The following RBFOX1 variants were observed in gnomAD, a reference collection of about 807,000 sequenced individuals.
RBFOX1 encodes the protein RNA binding protein fox-1 homolog 1.
Under a neutral mutation model 57.7 loss-of-function variants are expected in RBFOX1, and 8 were observed. That is an observed-to-expected ratio of 0.14 (90% confidence interval 0.08 to 0.25). The LOEUF is 0.25. RBFOX1 is among the 10% of genes least tolerant of loss of function. RBFOX1 has a pLI of 1.00. For synonymous variants in RBFOX1, 326 were observed against 222.4 expected (o/e 1.47, Z -4.15); for missense variants, 611 against 548.5 (o/e 1.11, Z -1.14).
At chr16:7,472,958 A>G (rs904736422) in intron 4 of RBFOX1, among the ~76,000 whole-genome samples, 4 of 152,232 alleles carry the variant, frequency 2.6e-5, no homozygotes, top group African/African-American at 9.6e-5. Flanking sequence ...GGATTTGGCT[A>G]TGCCTTTCAT....
chr16:5,963,549 T>G (rs2059790902), intron 4 of RBFOX1, among the ~76,000 whole-genome samples: 1 of 152,196 alleles, frequency 6.6e-6, no homozygotes, highest in Non-Finnish European at 1.5e-5. Flanking sequence ...GGTACTGGCA[T>G]ATAAACAGAC....
rs1239828033 is a variant in RBFOX1, at chr16:6,877,750, A to T, written c.-15-174307A>T. ...CCAATATAGTAAGAATTATTTCTGT[A>T]GGACTTTTAAATTGTATAAATTGCT... On this transcript the variant is annotated intron_variant, in intron 3 of 15. Coordinates refer to ENST00000550418, the MANE Select transcript of RBFOX1 (RefSeq NM_018723.4). Among the ~76,000 whole-genome samples the T allele has an allele frequency of 2.0e-5, 3 of 152,158 alleles. No individual in the cohort carries two copies. The East Asian group carries it at 5.8e-4, about 29-fold the overall frequency.
At chr16:6,288,115 A>T (rs2077081280) in intron 1 of RBFOX1, among the ~76,000 whole-genome samples, 1 of 152,174 alleles carries the variant, frequency 6.6e-6, no homozygotes, top group Admixed American at 6.6e-5. Context: ...TCCAGGTGAG[A>T]TGTGAAGCTC....
At chr16:7,094,326 T>C (rs2061341958) in intron 4 of RBFOX1, among the ~76,000 whole-genome samples, 1 of 152,066 alleles carries the variant, frequency 6.6e-6, no homozygotes, top group Non-Finnish European at 1.5e-5. Context: ...CTAAGGAACA[T>C]GAAGCTTTTA....
intron 3 of RBFOX1, among the ~76,000 whole-genome samples, chr16:6,999,966 A>G (rs59034350): frequency 0.21 from 32,036 of 151,564 alleles, 3,724 homozygotes; most frequent in Middle Eastern, 0.33. Flanking sequence ...CAGCTACTCC[A>G]GAGGCTGAGG....
chr16:6,488,404 A>G (rs181168023), intron 2 of RBFOX1, among the ~76,000 whole-genome samples: 1 of 152,194 alleles, frequency 6.6e-6, no homozygotes, highest in East Asian at 1.9e-4. Flanking sequence ...AGCAGTAACA[A>G]TACAATGCCG....
intron 4 of RBFOX1, among the ~76,000 whole-genome samples, chr16:7,369,654 A>T (rs2097532179): frequency 6.6e-6 from 1 of 152,178 alleles, no homozygotes; most frequent in African/African-American, 2.4e-5. Context: ...CAATTGTTTG[A>T]AGTGAGACTA....
chr16:5,856,302 C>G lies in RBFOX1; in HGVS notation c.319-11001C>G, dbSNP rs1476079665. On this transcript the variant is annotated intron_variant, in intron 3 of 19. Coordinates refer to the RBFOX1 transcript ENST00000641259. The stretch of plus-strand genomic sequence containing the variant: ...ATATATATACACACACACACACACA[C>G]ACACACACATATATATAGGGAAAAC... 1.3e-4 allele frequency among the ~76,000 whole-genome samples: 11 copies of G among 83,206 alleles called. 1 individual carries two copies. Among genetic ancestry groups the G allele is most frequent in the African/African-American group, 4.7e-4 (11 of 23,538 alleles). The allele number at this position is 83,206 out of a possible 152,430, so 54.6% of individuals were successfully genotyped here.
chr16:6,289,647 C>G (rs147654262), intron 1 of RBFOX1, among the ~76,000 whole-genome samples: 334 of 152,130 alleles, frequency 2.2e-3, no homozygotes, highest in African/African-American at 7.5e-3. Flanking sequence ...AATTTTGACT[C>G]AAAACATAGC....
chr16:7,350,778 C>A (rs1309185152), intron 4 of RBFOX1, among the ~76,000 whole-genome samples: 1 of 152,102 alleles, frequency 6.6e-6, no homozygotes, highest in Admixed American at 6.5e-5. Context: ...ACAGAAAAAT[C>A]ACAGTGTTAA....
chr16:7,427,383 C>G (rs985962083), intron 4 of RBFOX1, among the ~76,000 whole-genome samples: 1 of 152,118 alleles, frequency 6.6e-6, no homozygotes, highest in Non-Finnish European at 1.5e-5. Context: ...GGTCTGAGAA[C>G]CCCCAAGTTT....
At chr16:7,457,495 A>G (rs567585982) in intron 4 of RBFOX1, among the ~76,000 whole-genome samples, 51 of 152,292 alleles carry the variant, frequency 3.3e-4, no homozygotes, top group African/African-American at 2.6e-4. Flanking sequence ...GCATTCTTCT[A>G]TCTTCTTTAC....
At chr16:6,185,223 C>G (rs964996027) in intron 1 of RBFOX1, among the ~76,000 whole-genome samples, 11 of 152,262 alleles carry the variant, frequency 7.2e-5, no homozygotes, top group African/African-American at 2.6e-4. Flanking sequence ...GACTCTATTT[C>G]CTCTCCATCT....
intron 4 of RBFOX1, among the ~76,000 whole-genome samples, chr16:7,365,497 A>G (rs1446111041): frequency 2.0e-5 from 3 of 152,160 alleles, no homozygotes; most frequent in East Asian, 3.9e-4. Context: ...TTTCCCCCCC[A>G]CAGGGAACAT....
At chr16:5,576,254 A>C (rs7196632) in intron 2 of RBFOX1, among the ~76,000 whole-genome samples, 56,652 of 152,084 alleles carry the variant, frequency 0.37, 11,975 homozygotes, top group East Asian at 0.53. Context: ...TGGTCTCCCA[A>C]AGTGTTGGGA....
At chr16:5,729,031 A>T (rs1272692544) in intron 3 of RBFOX1, among the ~76,000 whole-genome samples, 2 of 152,176 alleles carry the variant, frequency 1.3e-5, no homozygotes, top group Admixed American at 1.3e-4. Flanking sequence ...AAATCATCCC[A>T]ATACTCTCAG....
intron 4 of RBFOX1, among the ~76,000 whole-genome samples, chr16:7,468,838 A>G (rs2061013502): frequency 6.6e-6 from 1 of 152,138 alleles, no homozygotes; most frequent in Non-Finnish European, 1.5e-5. Flanking sequence ...TGGCTGACCA[A>G]GAGTCAAGGG....
chr16:7,545,826 A>T (rs1427005205), intron 5 of RBFOX1, among the ~76,000 whole-genome samples: 1 of 152,006 alleles, frequency 6.6e-6, no homozygotes, highest in Non-Finnish European at 1.5e-5. Flanking sequence ...AACCATCATC[A>T]AGTCACAGAC....
chr16:5,433,081 G>A (rs1111601), intron 1 of RBFOX1, among the ~76,000 whole-genome samples: 2,381 of 152,286 alleles, frequency 0.016, 62 homozygotes, highest in African/African-American at 0.053. Context: ...GACCGAAGAC[G>A]TTAGAGAGAA....
Sources: gnomAD v4.1 joint callset for allele counts (sites outside exome capture counted in the v4.1 genomes callset) on GRCh38, gnomAD v4.1.1 for gene constraint, MANE v1.5 for transcripts, NCBI Gene and HGNC (gene_info 2026-07-23, HGNC 2026-07-21) for gene names.